The following EPB41L4A variants were observed in gnomAD, a reference collection of about 807,000 sequenced individuals.
The protein encoded by EPB41L4A is band 4.1-like protein 4A.
A neutral mutation model predicts 108.6 loss-of-function variants in EPB41L4A; 100 were observed. That is an observed-to-expected ratio of 0.92 (90% CI 0.78 to 1.09). The LOEUF is 1.09. Ranked by LOEUF, EPB41L4A falls within the 50% of genes least tolerant of loss-of-function variation. The probability of loss-of-function intolerance (pLI) is 0.00; values close to 1 mark genes in which losing one functional copy is unlikely to be tolerated. For synonymous variants in EPB41L4A, 319 were observed against 289.0 expected (o/e 1.10, Z -1.05); for missense variants, 1,030 against 842.7 (o/e 1.22, Z -2.75).
At chr5:112,205,607 T>G (rs892703051) in intron 13 of EPB41L4A, 103 bp from the exon 14 acceptor site, 3 of 874,288 alleles carry the variant, frequency 3.4e-6, no homozygotes, top group African/African-American at 1.7e-5. Context: ...TGTTAAGATG[T>G]GCACACTTAT....
chr5:112,166,363 G>A (rs1232575399), intron 22 of EPB41L4A, among the ~76,000 whole-genome samples: 1 of 152,222 alleles, frequency 6.6e-6, no homozygotes, highest in Non-Finnish European at 1.5e-5. Flanking sequence ...AAAACAGTAA[G>A]ATCCAAACGC....
downstream of EPB41L4A, among the ~76,000 whole-genome samples, chr5:112,158,949 C>T (rs138703844): frequency 1.2e-4 from 19 of 152,334 alleles, no homozygotes; most frequent in African/African-American, 4.1e-4. Flanking sequence ...CTGTGCCTTT[C>T]GCTGTCTTTA....
intron 21 of EPB41L4A, 25 bp downstream of exon 21, chr5:112,168,970 G>T: frequency 1.3e-6 from 2 of 1,555,612 alleles, no homozygotes; most frequent in Non-Finnish European, 1.8e-6. Flanking sequence ...TGATGGTGAT[G>T]GTGTACTCTG....
downstream of EPB41L4A, among the ~76,000 whole-genome samples, chr5:112,159,827 CAT>C (rs1759784967): frequency 6.6e-6 from 1 of 151,522 alleles, no homozygotes; most frequent in African/African-American, 2.4e-5. Context: ...TTAATAATCT[CAT>C]ATTGATTGCC....
chr5:112,223,356 C>T (rs1748216593), intron 12 of EPB41L4A, among the ~76,000 whole-genome samples: 1 of 152,132 alleles, frequency 6.6e-6, no homozygotes, highest in South Asian at 2.1e-4. Context: ...TAATGAGTAA[C>T]TTATGGCCAA....
chr5:112,274,601 T>C (rs11954695), intron 4 of EPB41L4A, among the ~76,000 whole-genome samples: 90 of 152,346 alleles, frequency 5.9e-4, no homozygotes, highest in African/African-American at 2.0e-3. Flanking sequence ...TAGCCCCTAA[T>C]ATGGGTTCAC....
At chr5:112,371,949 G>A (rs1440345557) in intron 1 of EPB41L4A, among the ~76,000 whole-genome samples, 1 of 152,168 alleles carries the variant, frequency 6.6e-6, no homozygotes, top group African/African-American at 2.4e-5. Context: ...CAGCTACTCA[G>A]CAGGCTAAAA....
chr5:112,308,368 A>G (rs1754829185), intron 1 of EPB41L4A, among the ~76,000 whole-genome samples: 1 of 152,192 alleles, frequency 6.6e-6, no homozygotes, highest in Non-Finnish European at 1.5e-5. Flanking sequence ...GCGTTTATCC[A>G]CATATGGTGA....
At chr5:112,184,954 C>G (rs754242107) in intron 17 of EPB41L4A, among the ~76,000 whole-genome samples, 8 of 152,114 alleles carry the variant, frequency 5.3e-5, no homozygotes, top group Non-Finnish European at 7.4e-5. Context: ...ACCCATGGAC[C>G]ACACTCAACC....
chr5:112,391,527 G>C (rs6897990), intron 1 of EPB41L4A, among the ~76,000 whole-genome samples: 2 of 151,150 alleles, frequency 1.3e-5, no homozygotes. Context: ...CAGAAGTGTA[G>C]AGAAAAAAGA....
intron 18 of EPB41L4A, among the ~76,000 whole-genome samples, chr5:112,177,148 C>G (rs2150219444): frequency 6.6e-6 from 1 of 152,244 alleles, no homozygotes; most frequent in East Asian, 1.9e-4. Context: ...GCTGAGAAAT[C>G]TGACACAGGT....
intron 12 of EPB41L4A, among the ~76,000 whole-genome samples, chr5:112,221,161 T>C (rs1748019638): frequency 6.6e-6 from 1 of 152,200 alleles, no homozygotes; most frequent in Non-Finnish European, 1.5e-5. Flanking sequence ...AGCAGTTGCA[T>C]ACACGAGCCT....
At chr5:112,287,734 G>C (rs1047213472) in intron 2 of EPB41L4A, among the ~76,000 whole-genome samples, 3 of 152,182 alleles carry the variant, frequency 2.0e-5, no homozygotes, top group Non-Finnish European at 2.9e-5. Context: ...AGAAGCCTGA[G>C]GGCTTGCAGG....
chr5:112,195,581 G>A (rs1326527169), intron 16 of EPB41L4A, 80 bp downstream of exon 16: 48 of 1,200,612 alleles, frequency 4.0e-5, no homozygotes, highest in South Asian at 6.5e-5. Context: ...TAATGCCCCC[G>A]CTCTTTCCTT....
At chr5:112,304,470 A>G (rs571543163) in intron 2 of EPB41L4A, among the ~76,000 whole-genome samples, 23 of 152,326 alleles carry the variant, frequency 1.5e-4, no homozygotes, top group African/African-American at 4.3e-4. Context: ...TGGAACAGAA[A>G]ATAGGCTCTA....
intron 1 of EPB41L4A, among the ~76,000 whole-genome samples, chr5:112,340,313 G>A (rs914768089): frequency 6.6e-6 from 1 of 152,180 alleles, no homozygotes; most frequent in Non-Finnish European, 1.5e-5. Flanking sequence ...GAAACAGACT[G>A]CTAGGCTCCA....
upstream of EPB41L4A, chr5:112,419,432 C>T (rs994602740): frequency 2.8e-6 from 1 of 357,530 alleles, no homozygotes; most frequent in Non-Finnish European, 5.5e-6. Flanking sequence ...GAATTCGAGG[C>T]TCTCCCCGGC....
At chr5:112,187,675 G>T (rs766999089) in intron 17 of EPB41L4A, among the ~76,000 whole-genome samples, 26 of 152,132 alleles carry the variant, frequency 1.7e-4, no homozygotes, top group Non-Finnish European at 2.8e-4. Flanking sequence ...CATTACCAAT[G>T]AATTCTTACA....
chr5:112,407,206 CCA>C (rs1762125007), intron 1 of EPB41L4A, among the ~76,000 whole-genome samples: 1 of 151,942 alleles, frequency 6.6e-6, no homozygotes, highest in South Asian at 2.1e-4. Context: ...GAGCAGTAGC[CCA>C]CACATTTATT....
Sources: allele counts gnomAD v4.1 joint callset (sites outside exome capture counted in the v4.1 genomes callset), GRCh38; gene constraint gnomAD v4.1.1; transcripts MANE v1.5; gene names NCBI Gene and HGNC (gene_info 2026-07-23, HGNC 2026-07-21).